Variants in PTPRT observed in about 807,000 individuals in gnomAD.
The protein encoded by PTPRT is protein tyrosine phosphatase receptor type T.
A neutral mutation model predicts 176.8 loss-of-function variants in PTPRT; 56 were observed. The observed-to-expected ratio is 0.32, with a 90% CI of 0.26 to 0.40. PTPRT has a LOEUF of 0.40. PTPRT is among the 10% of genes least tolerant of loss of function. The probability of loss-of-function intolerance (pLI) is 1.00; values close to 1 mark genes in which losing one functional copy is unlikely to be tolerated. For missense variants in PTPRT, 1,540 were observed against 1,908.2 expected, an observed-to-expected ratio of 0.81 and a Z score of 3.60; for synonymous variants, 783 against 739.0, an observed-to-expected ratio of 1.06 and a Z score of -0.96.
At chr20:42,566,506 C>T (rs1410756725) in intron 7 of PTPRT, among the ~76,000 whole-genome samples, 8 of 152,160 alleles carry the variant, frequency 5.3e-5, no homozygotes, top group Admixed American at 5.2e-4. Context: ...GACTAGTTTT[C>T]ACCAATGAAA....
intron 12 of PTPRT, among the ~76,000 whole-genome samples, chr20:42,312,314 T>C (rs1451104700): frequency 6.6e-6 from 1 of 152,194 alleles, no homozygotes; most frequent in African/African-American, 2.4e-5. Context: ...ACTTGGCTGA[T>C]AAAGAATTTG....
intron 2 of PTPRT, among the ~76,000 whole-genome samples, chr20:42,874,324 A>G (rs937714801): frequency 4.6e-5 from 7 of 152,096 alleles, no homozygotes; most frequent in African/African-American, 1.7e-4. Context: ...GGTTCACTGT[A>G]TCTGCATTTA....
intron 1 of PTPRT, among the ~76,000 whole-genome samples, chr20:43,106,535 T>C (rs969894514): frequency 8.6e-5 from 13 of 151,820 alleles, no homozygotes; most frequent in African/African-American, 2.2e-4. Context: ...CGGGCACCTG[T>C]AATCTCAGCT....
intron 2 of PTPRT, among the ~76,000 whole-genome samples, chr20:42,812,368 T>C (rs1569170020): frequency 6.6e-6 from 1 of 152,136 alleles, no homozygotes; most frequent in African/African-American, 2.4e-5. Context: ...AGAAATTTTG[T>C]AACCATTAAG....
At chr20:42,765,947 T>G (rs1349779868) in intron 5 of PTPRT, among the ~76,000 whole-genome samples, 1 of 152,172 alleles carries the variant, frequency 6.6e-6, no homozygotes, top group Non-Finnish European at 1.5e-5. Context: ...TGTCCCCATC[T>G]CTAGATATTT....
Position 42,332,925 on chromosome 20 carries a change from C to T in PTPRT, c.1866-16929G>A, listed in dbSNP as rs1332658259. 3.3e-5 allele frequency among the ~76,000 whole-genome samples: 5 copies of T among 152,184 alleles called. No individual in the cohort carries two copies. The East Asian group carries it at 5.8e-4, about 18-fold the overall frequency. On this transcript the variant is annotated intron_variant, in intron 11 of 30. Transcript: ENST00000373187. The stretch of plus-strand genomic sequence containing the variant: ...TATTTTTCAAATGACCAATGCATAA[C>T]GTTGCAAAATCATGTAAGGCAAAGA...
chr20:42,380,353 C>T (rs2058687430), intron 9 of PTPRT, among the ~76,000 whole-genome samples: 1 of 152,122 alleles, frequency 6.6e-6, no homozygotes, highest in African/African-American at 2.4e-5. Flanking sequence ...GTAGGCTATG[C>T]AGAGATCAGG....
chr20:42,846,912 A>G (rs1231726338), intron 2 of PTPRT, among the ~76,000 whole-genome samples: 1 of 152,240 alleles, frequency 6.6e-6, no homozygotes, highest in Non-Finnish European at 1.5e-5. Flanking sequence ...ATGTGCAGGA[A>G]CAAGCCAGAT....
chr20:42,649,789 A>G (rs2074996258), intron 7 of PTPRT, among the ~76,000 whole-genome samples: 1 of 152,156 alleles, frequency 6.6e-6, no homozygotes, highest in Non-Finnish European at 1.5e-5. Flanking sequence ...ACCCAGGTGC[A>G]GTTAACAAGA....
intron 1 of PTPRT, among the ~76,000 whole-genome samples, chr20:43,152,313 A>G (rs1359361556): frequency 6.6e-6 from 1 of 152,216 alleles, no homozygotes; most frequent in Non-Finnish European, 1.5e-5. Flanking sequence ...TTCCCCTAGT[A>G]TCTTTGTTTT....
chr20:42,240,882 A>G (rs1169747883), intron 14 of PTPRT, among the ~76,000 whole-genome samples: 1 of 152,262 alleles, frequency 6.6e-6, no homozygotes, highest in Non-Finnish European at 1.5e-5. Flanking sequence ...GAGCCAGACT[A>G]GCAAATTATA....
chr20:42,779,423 A>G (rs746119835), intron 4 of PTPRT, among the ~76,000 whole-genome samples: 27 of 152,274 alleles, frequency 1.8e-4, no homozygotes, highest in Middle Eastern at 3.4e-3. Flanking sequence ...TCTGCAGAAC[A>G]CTAACAAACT....
intron 8 of PTPRT, among the ~76,000 whole-genome samples, chr20:42,458,952 A>G (rs2070970549): frequency 6.6e-6 from 1 of 152,228 alleles, no homozygotes; most frequent in Non-Finnish European, 1.5e-5. Context: ...GAGAAGACAG[A>G]TAATAAAACA....
At chr20:42,812,162 T>C (rs971050757) in intron 2 of PTPRT, among the ~76,000 whole-genome samples, 4 of 152,138 alleles carry the variant, frequency 2.6e-5, no homozygotes, top group Admixed American at 2.6e-4. Context: ...AACTAGGGTA[T>C]GTCTTGGTAT....
At chr20:43,118,713 C>A (rs1007412158) in intron 1 of PTPRT, among the ~76,000 whole-genome samples, 1 of 152,214 alleles carries the variant, frequency 6.6e-6, no homozygotes, top group African/African-American at 2.4e-5. Flanking sequence ...GCTGGGATTA[C>A]AGGCGTGAGC....
intron 15 of PTPRT, among the ~76,000 whole-genome samples, chr20:42,220,189 G>A (rs148369846): frequency 6.6e-6 from 1 of 152,114 alleles, no homozygotes; most frequent in African/African-American, 2.4e-5. Context: ...AAATACACAT[G>A]GGACCTACAT....
chr20:42,187,607 A>G (rs1319858902), intron 16 of PTPRT, among the ~76,000 whole-genome samples: 5 of 152,134 alleles, frequency 3.3e-5, no homozygotes, highest in Admixed American at 3.3e-4. Context: ...ACTCCCAACC[A>G]TTAATACATA....
chr20:42,276,484 G>C (rs1467019716), intron 13 of PTPRT, among the ~76,000 whole-genome samples: 1 of 95,514 alleles, frequency 1.0e-5, no homozygotes, highest in Non-Finnish European at 2.1e-5. Flanking sequence ...GAAAGGAAGA[G>C]AGAAAGAAGG....
At chr20:42,366,431 C>T (rs186216952) in intron 9 of PTPRT, among the ~76,000 whole-genome samples, 146 of 152,314 alleles carry the variant, frequency 9.6e-4, no homozygotes, top group African/African-American at 3.0e-3. Flanking sequence ...GCACTTGCTT[C>T]GCTTCCCATC....
Sources: allele counts gnomAD v4.1 joint callset (sites outside exome capture counted in the v4.1 genomes callset), GRCh38; gene constraint gnomAD v4.1.1; transcripts MANE v1.5; gene names NCBI Gene and HGNC (gene_info 2026-07-23, HGNC 2026-07-21).